The following CHD9 variants were observed in gnomAD, a reference collection of about 807,000 sequenced individuals.
The protein encoded by CHD9 is chromodomain helicase DNA binding protein 9.
Under a neutral mutation model 316.1 loss-of-function variants are expected in CHD9, and 77 were observed. The ratio of observed to expected loss-of-function variants is 0.24; its 90% confidence interval spans 0.20 to 0.29. The LOEUF (loss-of-function observed/expected upper bound fraction) is 0.29. Ranked by LOEUF, CHD9 falls within the 10% of genes least tolerant of loss-of-function variation. The probability of loss-of-function intolerance (pLI) is 1.00; values close to 1 mark genes in which losing one functional copy is unlikely to be tolerated. For synonymous variants in CHD9, 1,129 were observed against 1,158.3 expected, an observed-to-expected ratio of 0.97 and a Z score of 0.51; for missense variants, 2,763 against 3,438.1, an observed-to-expected ratio of 0.80 and a Z score of 4.91.
intron 34 of CHD9, among the ~76,000 whole-genome samples, chr16:53,313,151 A>G (rs965863893): frequency 2.0e-5 from 3 of 152,096 alleles, no homozygotes; most frequent in African/African-American, 7.2e-5. Flanking sequence ...AAGTCAGTCT[A>G]ATTTGGTGAC....
Position 53,227,627 on chromosome 16 carries a change from AAAAG to A in CHD9, c.2168+30_2168+33del, listed in dbSNP as rs199610146. Reference sequence around the variant, plus strand: ...TAGTAAGTATTTGAGTTAGAAAAATAAAAGAAAGATGTTGATTTACATATAAATT... The same window carrying A: ...TAGTAAGTATTTGAGTTAGAAAAATAAAAGATGTTGATTTACATATAAATT... On this transcript the variant is annotated intron_variant, in intron 7 of 38. Transcript: ENST00000447540. The A allele has an allele frequency of 1.1e-3, 857 of 759,750 alleles. 16 individuals carry two copies. The East Asian group carries it at 0.018, about 16-fold the overall frequency. 47.1% of individuals were successfully genotyped at this position (759,750 alleles called of 1,614,324 possible).
intron 34 of CHD9, among the ~76,000 whole-genome samples, chr16:53,313,620 T>C (rs2056648762): frequency 6.6e-6 from 1 of 151,996 alleles, no homozygotes; most frequent in Non-Finnish European, 1.5e-5. Context: ...GTTTAACATT[T>C]GTTTGTTTGA....
intron 1 of CHD9, among the ~76,000 whole-genome samples, chr16:53,098,923 A>C (rs2036604003): frequency 6.6e-6 from 1 of 152,172 alleles, no homozygotes; most frequent in African/African-American, 2.4e-5. Flanking sequence ...CCAAAGGAGT[A>C]ATTATAGCTT....
chr16:53,189,745 C>A (rs1232362252), intron 2 of CHD9, among the ~76,000 whole-genome samples: 1 of 152,042 alleles, frequency 6.6e-6, no homozygotes, highest in East Asian at 1.9e-4. Flanking sequence ...ATTTTTATAG[C>A]CTTTTATCAG....
intron 1 of CHD9, among the ~76,000 whole-genome samples, chr16:53,119,667 T>C (rs1280824934): frequency 6.6e-6 from 1 of 152,084 alleles, no homozygotes; most frequent in Non-Finnish European, 1.5e-5. Flanking sequence ...ATCTCGTCTC[T>C]ACTAAATATA....
chr16:53,213,600 A>G (rs2046501200), intron 3 of CHD9, among the ~76,000 whole-genome samples: 1 of 152,228 alleles, frequency 6.6e-6, no homozygotes, highest in South Asian at 2.1e-4. Context: ...TAGTAATATT[A>G]GAGAGTTAGG....
At position 53,238,327 on chromosome 16, in the gene CHD9, T is replaced by C. The variant is rs766151979; in HGVS notation, c.2634-16T>C. ...AAACCCAATGTATGCATGGATAATG[T>C]ATTTGTTTATTTCAGACGAAACTGC... On this transcript the variant is annotated splice_polypyrimidine_tract_variant and intron_variant, in intron 11 of 38. Coordinates refer to ENST00000447540, the MANE Select transcript of CHD9 (RefSeq NM_001308319.2). The C allele has an allele frequency of 1.9e-6, 3 of 1,604,190 alleles. No individual in the cohort carries two copies. Among genetic ancestry groups the C allele is most frequent in the South Asian group, 1.1e-5 (1 of 90,204 alleles).
At chr16:53,313,816 G>C (rs1171186151) in intron 34 of CHD9, among the ~76,000 whole-genome samples, 1 of 151,872 alleles carries the variant, frequency 6.6e-6, no homozygotes, top group African/African-American at 2.4e-5. Flanking sequence ...AGTTGGGCGT[G>C]GTGGTGGGTG....
chr16:53,190,292 AAG>A (rs1458351062), intron 2 of CHD9, among the ~76,000 whole-genome samples: 1 of 152,128 alleles, frequency 6.6e-6, no homozygotes, highest in African/African-American at 2.4e-5. Context: ...AAAGATATAA[AAG>A]AGTTGTTTTT....
At chr16:53,237,812 A>T (rs997231000) in intron 11 of CHD9, among the ~76,000 whole-genome samples, 1 of 148,962 alleles carries the variant, frequency 6.7e-6, no homozygotes, top group African/African-American at 2.5e-5. Context: ...TTGAATCAGA[A>T]TGTATAGGGG....
intron 2 of CHD9, among the ~76,000 whole-genome samples, chr16:53,164,905 T>C (rs564364977): frequency 6.6e-6 from 1 of 152,170 alleles, no homozygotes; most frequent in Non-Finnish European, 1.5e-5. Context: ...TCTGCCCTTC[T>C]TGGCCTCCCA....
At chr16:53,107,330 T>G (rs2037435592) in intron 1 of CHD9, among the ~76,000 whole-genome samples, 1 of 151,676 alleles carries the variant, frequency 6.6e-6, no homozygotes, top group South Asian at 2.1e-4. Flanking sequence ...TGTGGTGGTG[T>G]GCGCCTGTAG....
intron 1 of CHD9, among the ~76,000 whole-genome samples, chr16:53,076,957 G>A (rs2034587089): frequency 6.6e-6 from 1 of 151,840 alleles, no homozygotes; most frequent in African/African-American, 2.4e-5. Flanking sequence ...TGGGACTACA[G>A]GTGCATGCCA....
intron 37 of CHD9, among the ~76,000 whole-genome samples, chr16:53,320,462 C>T (rs1468394274): frequency 3.3e-5 from 5 of 152,064 alleles, no homozygotes; most frequent in Admixed American, 3.3e-4. Flanking sequence ...TCGGAAGTTG[C>T]AGTGAGCCAA....
At chr16:53,290,230 T>C (rs938285464) in intron 27 of CHD9, among the ~76,000 whole-genome samples, 1 of 152,132 alleles carries the variant, frequency 6.6e-6, no homozygotes, top group Non-Finnish European at 1.5e-5. Flanking sequence ...GCTGAGATTG[T>C]GCCACTGCAC....
chr16:53,261,112 G>T (rs1328418768), intron 19 of CHD9, among the ~76,000 whole-genome samples: 1 of 149,928 alleles, frequency 6.7e-6, no homozygotes, highest in Non-Finnish European at 1.5e-5. Flanking sequence ...AAAAAAAAGG[G>T]AATTTAAATT....
intron 2 of CHD9, among the ~76,000 whole-genome samples, chr16:53,174,437 T>C (rs527353253): frequency 6.1e-4 from 93 of 152,374 alleles, no homozygotes; most frequent in Middle Eastern, 3.4e-3. Flanking sequence ...TTACATGTTT[T>C]ACATTTGTTT....
At chr16:53,110,971 T>C (rs886868276) in intron 1 of CHD9, among the ~76,000 whole-genome samples, 1 of 152,156 alleles carries the variant, frequency 6.6e-6, no homozygotes, top group African/African-American at 2.4e-5. Flanking sequence ...AGGTACATTT[T>C]TTGGGGAGTT....
intron 2 of CHD9, among the ~76,000 whole-genome samples, chr16:53,177,754 C>T (rs2152799215): frequency 6.6e-6 from 1 of 152,288 alleles, no homozygotes; most frequent in East Asian, 1.9e-4. Context: ...CAAAATCAAG[C>T]CAGTAAACTA....
Sources: gnomAD v4.1 joint callset for allele counts (sites outside exome capture counted in the v4.1 genomes callset) on GRCh38, gnomAD v4.1.1 for gene constraint, MANE v1.5 for transcripts, NCBI Gene and HGNC (gene_info 2026-07-23, HGNC 2026-07-21) for gene names.